Variants in ABR observed in about 807,000 individuals in gnomAD.
ABR encodes the protein active breakpoint cluster region-related protein.
Under a neutral mutation model 107.2 loss-of-function variants are expected in ABR, and 35 were observed. The ratio of observed to expected loss-of-function variants is 0.33; its 90% CI spans 0.25 to 0.43. The LOEUF (loss-of-function observed/expected upper bound fraction) is 0.43, where lower values mean the gene tolerates loss of function less well. Among genes scored for constraint, ABR ranks in the 20% least tolerant of loss-of-function variants. The pLI is 1.00. For synonymous variants in ABR, 498 were observed against 462.0 expected (o/e 1.08, Z -1.00); for missense variants, 815 against 1,115.2 (o/e 0.73, Z 3.83).
chr17:1,048,773 C>T (rs1053219459), intron 16 of ABR, among the ~76,000 whole-genome samples: 2 of 151,682 alleles, frequency 1.3e-5, no homozygotes, highest in African/African-American at 4.9e-5. Context: ...CCCAGCTGCG[C>T]CTGGATCACG....
upstream of ABR, among the ~76,000 whole-genome samples, chr17:1,191,593 T>C (rs9912839): frequency 0.6 from 90,606 of 151,762 alleles, 29,275 homozygotes; most frequent in Middle Eastern, 0.76. Context: ...TGACCTCAGG[T>C]GATCCACCTG....
Position 1,012,696 on chromosome 17 carries a change from C to G in ABR, c.1953G>C (p.Val651=). 1 of 1,579,960 alleles carries G rather than the reference C, an allele frequency of 6.3e-7. No homozygotes were observed. The highest frequency in any genetic ancestry group is 1.2e-5 in the South Asian group (1 of 86,606). Residue 651 remains valine, a synonymous_variant, in exon 18 of 23, where the codon GTG becomes GTC. Transcript: ENST00000302538. ...CCCGAGGCAGCACCTACTTCGTCAC[C>G]ACGCTGATCTTCACACCGAAGACGC... ...QTGVFGVKIS[V]VTKRERSKVP...
intron 2 of ABR, among the ~76,000 whole-genome samples, chr17:1,103,601 C>T (rs923293039): frequency 6.6e-6 from 1 of 152,148 alleles, no homozygotes; most frequent in African/African-American, 2.4e-5. Context: ...GCCCTGTAAT[C>T]GCCCATTTCT....
At position 1,010,741 on chromosome 17, in the gene ABR, T is replaced by G. The variant is rs1450251042; in HGVS notation, c.2224A>C (p.Met742Leu). 5.6e-6 allele frequency: 9 copies of G among 1,613,546 alleles called. No homozygotes were observed. Among genetic ancestry groups the G allele is most frequent in the African/African-American group, 1.3e-5 (1 of 74,914 alleles). ...LLTDRLYPAFMEGIALSDPAA... is the reference protein window; with the variant it reads ...LLTDRLYPAFLEGIALSDPAA... ...CTCAGGGCCTCACCGATGCCCTCCA[T>G]GAAGGCTGGGTAGAGTCGGTCCGTG... is the stretch of plus-strand genomic sequence containing the variant. The change falls in exon 20 of 23, where the codon ATG becomes CTG. Residue 742 changes from methionine (M) to leucine (L), a missense_variant. By Grantham distance (15) the Met-to-Leu change is conservative (BLOSUM62 2). This residue lies in a region of ABR where 175 missense variants were observed against 284.3 expected (regional missense o/e 0.62). Coordinates refer to ENST00000302538, the MANE Select transcript of ABR (RefSeq NM_021962.5). The surrounding 1 kb of genome is among the most constrained non-coding windows in gnomAD (Gnocchi z 4.1).
chr17:1,214,367 T>TA (rs1291724119), intron 1 of ABR, among the ~76,000 whole-genome samples: 3 of 152,078 alleles, frequency 2.0e-5, no homozygotes, highest in Non-Finnish European at 2.9e-5. Context: ...TCTCCATGAG[T>TA]AACCACCACC....
chr17:1,116,591 T>C (rs2258231), intron 2 of ABR, among the ~76,000 whole-genome samples: 119,050 of 151,946 alleles, frequency 0.78, 46,788 homozygotes, highest in East Asian at 0.87. Context: ...GGTGTGAATG[T>C]AGGAGGGCCA....
intron 1 of ABR, among the ~76,000 whole-genome samples, chr17:1,199,910 A>T (rs951529302): frequency 3.3e-5 from 5 of 149,952 alleles, no homozygotes; most frequent in Admixed American, 2.8e-4. Context: ...TATGCATATA[A>T]TAGAGCTCTT....
rs149384345 is a variant in ABR, at chr17:1,050,653, C to T, written c.1562-19G>A. ...TACAGGTCTGTGGGGGAAGGACAGA[C>T]GGAGATACTGAGTGAGTGGGGCCAG... On this transcript the variant is annotated intron_variant, in intron 14 of 22. Coordinates refer to ENST00000302538, the MANE Select transcript of ABR (RefSeq NM_021962.5). The surrounding 1 kb of genome is among the most constrained non-coding windows in gnomAD (Gnocchi z 4.6). 6.8e-4 allele frequency: 1,089 copies of T among 1,607,498 alleles called. 5 individuals carry two copies. In the African/African-American group the frequency reaches 8.4e-3, roughly 12 times the overall value.
chr17:1,175,520 C>T (rs909013939), intron 1 of ABR, among the ~76,000 whole-genome samples: 1 of 152,126 alleles, frequency 6.6e-6, no homozygotes, highest in African/African-American at 2.4e-5. Context: ...AAATGAGTGG[C>T]GCAGACACAA....
chr17:1,204,901 CTTT>C (rs869034249), intron 1 of ABR, among the ~76,000 whole-genome samples: 159 of 32,140 alleles, frequency 4.9e-3, no homozygotes, highest in African/African-American at 0.016. Flanking sequence ...TTTTCTTTTT[CTTT>C]TTTTTTTTTT....
upstream of ABR, among the ~76,000 whole-genome samples, chr17:1,183,057 G>A (rs1191900893): frequency 6.6e-6 from 1 of 152,202 alleles, no homozygotes; most frequent in Non-Finnish European, 1.5e-5. Flanking sequence ...GAGTTAAAGA[G>A]TCCTTCTCCT....
upstream of ABR, among the ~76,000 whole-genome samples, chr17:1,180,110 C>T (rs1320812622): frequency 1.3e-5 from 2 of 150,626 alleles, no homozygotes; most frequent in African/African-American, 4.9e-5. Context: ...CTCCGCAGGA[C>T]GCCCCCGGCC....
In ABR at chr17:1,083,594, C is replaced by G. The variant is rs1228586339; in HGVS notation, c.565G>C (p.Asp189His). The G allele has an allele frequency of 6.2e-7, 1 of 1,613,744 alleles. No homozygotes were observed. Among genetic ancestry groups the G allele is most frequent in the Non-Finnish European group, 8.5e-7 (1 of 1,179,880 alleles). Residue 189 changes from aspartate (D) to histidine (H), a missense_variant, in exon 5 of 23, where the codon GAT becomes CAT. This residue lies in a region of ABR where 385 missense variants were observed against 596.9 expected (regional missense o/e 0.64). Transcript: ENST00000302538. ...SQLGVYKAFV[D>H]NYKVALETAE... ...GTCTCCAGAGCGACTTTATAGTTAT[C>G]GACAAACGCTTTGTACACACCGAGC...
chr17:1,173,396 G>A (rs932008477), intron 1 of ABR, among the ~76,000 whole-genome samples: 4 of 81,618 alleles, frequency 4.9e-5, no homozygotes, highest in Non-Finnish European at 7.3e-5. Context: ...ACCAACACCC[G>A]CCACCACCAA....
chr17:1,040,862 G>A (rs971566858), intron 16 of ABR, among the ~76,000 whole-genome samples: 1 of 152,196 alleles, frequency 6.6e-6, no homozygotes, highest in African/African-American at 2.4e-5. Context: ...ACTCAGCCCC[G>A]CAAGATCTGT....
chr17:1,197,019 C>A (rs1050780231), intron 1 of ABR, among the ~76,000 whole-genome samples: 24 of 151,676 alleles, frequency 1.6e-4, no homozygotes, highest in Admixed American at 1.2e-3. Context: ...AAGGAAGGAC[C>A]CTGTGCTGCT....
At chr17:1,126,768 C>A (rs1190802148) in intron 1 of ABR, among the ~76,000 whole-genome samples, 2 of 152,186 alleles carry the variant, frequency 1.3e-5, no homozygotes, top group Non-Finnish European at 2.9e-5. Flanking sequence ...TGAATCCTGC[C>A]CCTTTGTCCT....
chr17:1,202,164 C>A (rs1356873344), intron 1 of ABR, among the ~76,000 whole-genome samples: 4 of 152,160 alleles, frequency 2.6e-5, no homozygotes, highest in African/African-American at 9.7e-5. Flanking sequence ...CGCTCTGTTG[C>A]CCAGGTTGGG....
intron 1 of ABR, among the ~76,000 whole-genome samples, chr17:1,140,254 G>A (rs1389018827): frequency 6.6e-6 from 1 of 152,208 alleles, no homozygotes; most frequent in African/African-American, 2.4e-5. Flanking sequence ...AGGGCTGAGC[G>A]ATGGACAGGA....
Sources: gnomAD v4.1 joint callset for allele counts (sites outside exome capture counted in the v4.1 genomes callset) on GRCh38, gnomAD v4.1.1 for gene constraint, gnomAD v4.1.1 regional missense constraint, Gnocchi (gnomAD v3.1) non-coding constraint, MANE v1.5 for transcripts, NCBI Gene and HGNC (gene_info 2026-07-23, HGNC 2026-07-21) for gene names.